The following BTC variants were observed in gnomAD, a reference collection of about 807,000 sequenced individuals.
BTC encodes the protein betacellulin.
BTC carries 13 observed loss-of-function variants against 18.1 expected under a neutral mutation model. That is an observed-to-expected ratio of 0.72 (90% confidence interval 0.47 to 1.14). BTC has a LOEUF of 1.14. Among genes scored for constraint, BTC ranks in the 50% most tolerant of loss-of-function variants. The probability of loss-of-function intolerance (pLI) is 0.00; values close to 1 mark genes in which losing one functional copy is unlikely to be tolerated. For synonymous variants in BTC, 83 were observed against 79.4 expected (o/e 1.05, Z -0.24); for missense variants, 247 against 224.2 (o/e 1.10, Z -0.65).
chr4:74,772,712 T>C (rs1368821302), intron 1 of BTC, among the ~76,000 whole-genome samples: 1 of 151,596 alleles, frequency 6.6e-6, no homozygotes, highest in Non-Finnish European at 1.5e-5. Context: ...CTGAGGATGG[T>C]AGTATCTCCT....
intron 2 of BTC, among the ~76,000 whole-genome samples, chr4:74,765,165 C>T (rs115803100): frequency 0.051 from 7,562 of 148,166 alleles, 318 homozygotes; most frequent in Admixed American, 0.11. Flanking sequence ...AAAAAAAACA[C>T]TAATGAAATG....
intron 1 of BTC, among the ~76,000 whole-genome samples, chr4:74,779,781 AC>A (rs1237193512): frequency 6.6e-6 from 1 of 152,124 alleles, no homozygotes; most frequent in African/African-American, 2.4e-5. Flanking sequence ...AAGCCCCAGA[AC>A]TTAAACCCTT....
chr4:74,787,716 T>A (rs1725517703), intron 1 of BTC, among the ~76,000 whole-genome samples: 1 of 152,190 alleles, frequency 6.6e-6, no homozygotes, highest in Non-Finnish European at 1.5e-5. Context: ...AGATCAGAAT[T>A]TGAGTTCTAG....
intron 1 of BTC, among the ~76,000 whole-genome samples, chr4:74,774,612 T>C (rs1725129809): frequency 6.6e-6 from 1 of 151,310 alleles, no homozygotes; most frequent in Admixed American, 6.6e-5. Context: ...AAGGAACAAC[T>C]TGTAATAAGT....
At chr4:74,762,163 A>AT (rs1724775890) in intron 2 of BTC, among the ~76,000 whole-genome samples, 1 of 152,112 alleles carries the variant, frequency 6.6e-6, no homozygotes, top group Non-Finnish European at 1.5e-5. Context: ...TCTCATTTGC[A>AT]TTTTGCCTTC....
chr4:74,750,517 C>G, intron 4 of BTC, 56 bp downstream of exon 4: 2 of 1,505,940 alleles, frequency 1.3e-6, no homozygotes, highest in Non-Finnish European at 1.8e-6. Flanking sequence ...AGAAGAAAAA[C>G]TATGAGCAAA....
At chr4:74,791,348 AAAAAAG>A (rs137875155) in intron 1 of BTC, among the ~76,000 whole-genome samples, 25,278 of 151,572 alleles carry the variant, frequency 0.17, 3,334 homozygotes, top group African/African-American at 0.37. Context: ...TCAAAAAAAG[AAAAAAG>A]AAAAAGAAAA....
chr4:74,760,759 G>T (rs547640123), intron 2 of BTC, among the ~76,000 whole-genome samples: 1 of 149,692 alleles, frequency 6.7e-6, no homozygotes. Context: ...TTTTGAGGCG[G>T]AGTCTCACTC....
intron 1 of BTC, among the ~76,000 whole-genome samples, chr4:74,790,070 C>CT (rs1725581323): frequency 6.6e-6 from 1 of 152,120 alleles, no homozygotes; most frequent in Non-Finnish European, 1.5e-5. Context: ...CAAAATAAAA[C>CT]TTTTTTGAGG....
Position 74,744,897 on chromosome 4 carries a change from A to C in BTC, c.*1780T>G, listed in dbSNP as rs1724251981. 1 of 152,232 alleles carries C rather than the reference A, an allele frequency of 6.6e-6. No homozygotes were observed. The highest frequency in any genetic ancestry group is 1.5e-5 in the Non-Finnish European group (1 of 68,040). 9.4% of individuals were successfully genotyped at this position (152,232 alleles called of 1,614,324 possible). ...ATCTTTGAAATTCTTTCTTGATATCAGATCTACCAAATTTCGAGAGCCACC... is the reference window on the plus strand; with the variant it reads ...ATCTTTGAAATTCTTTCTTGATATCCGATCTACCAAATTTCGAGAGCCACC... On this transcript the variant is annotated 3_prime_UTR_variant, in exon 6 of 6. Coordinates refer to ENST00000395743, the MANE Select transcript of BTC (RefSeq NM_001729.4).
At chr4:74,789,507 C>T (rs1283995958) in intron 1 of BTC, among the ~76,000 whole-genome samples, 1 of 152,114 alleles carries the variant, frequency 6.6e-6, no homozygotes, top group Admixed American at 6.5e-5. Flanking sequence ...TTCTGTGTCT[C>T]TAAATGATAG....
intron 1 of BTC, among the ~76,000 whole-genome samples, chr4:74,773,654 C>G (rs1333376805): frequency 1.3e-5 from 2 of 151,716 alleles, no homozygotes; most frequent in East Asian, 3.9e-4. Context: ...CTCTGTTGCC[C>G]AGGATAGAGG....
intron 4 of BTC, among the ~76,000 whole-genome samples, chr4:74,748,619 G>A (rs1331440071): frequency 1.3e-5 from 2 of 152,150 alleles, no homozygotes; most frequent in Non-Finnish European, 2.9e-5. Flanking sequence ...AGTGTGGGTA[G>A]AATATAGTTA....
chr4:74,756,087 C>G (rs1250347099), intron 2 of BTC, 111 bp from the exon 3 acceptor site: 3 of 1,026,270 alleles, frequency 2.9e-6, no homozygotes, highest in Non-Finnish European at 4.6e-6. Flanking sequence ...GTTTGAATCT[C>G]TCATTTTTCT....
intron 4 of BTC, among the ~76,000 whole-genome samples, chr4:74,748,395 A>G (rs1473010747): frequency 7.2e-5 from 11 of 152,152 alleles, no homozygotes; most frequent in Admixed American, 2.0e-4. Context: ...AATTGGCCGG[A>G]CGTGGTGGTG....
chr4:74,782,698 C>G (rs1200130655), intron 1 of BTC, among the ~76,000 whole-genome samples: 2 of 152,104 alleles, frequency 1.3e-5, no homozygotes, highest in Non-Finnish European at 2.9e-5. Flanking sequence ...AATGGTTAAA[C>G]CAGTTTACAC....
At chr4:74,788,424 A>G (rs1284467877) in intron 1 of BTC, among the ~76,000 whole-genome samples, 1 of 152,204 alleles carries the variant, frequency 6.6e-6, no homozygotes, top group Non-Finnish European at 1.5e-5. Flanking sequence ...CTGAGATCAT[A>G]TTTAATCTGT....
At chr4:74,758,849 T>C (rs577031350) in intron 2 of BTC, among the ~76,000 whole-genome samples, 2 of 152,256 alleles carry the variant, frequency 1.3e-5, no homozygotes, top group African/African-American at 4.8e-5. Flanking sequence ...TTTAAAACAT[T>C]TCCATGCCAC....
At position 74,750,648 on chromosome 4, in the gene BTC, T is replaced by G. The variant is rs782329883; in HGVS notation, c.353A>C (p.Gln118Pro). ...TGCTATCAAACAAATCACCAGAATC[T>G]GTCCTCTGTCTCCTCTTAGGTAAAA... is the stretch of plus-strand genomic sequence containing the variant. ...DLFYLRGDRG[Q>P]ILVICLIAVM... is the part of the protein sequence containing the mutation. Residue 118 changes from glutamine (Q) to proline (P), a missense_variant, in exon 4 of 6, where the codon CAG (glutamine) becomes CCG (proline). Gln to Pro is a moderately conservative substitution (Grantham distance 76, BLOSUM62 -1). Coordinates refer to ENST00000395743, the MANE Select transcript of BTC (RefSeq NM_001729.4). 2 of 1,613,906 alleles carry G rather than the reference T, an allele frequency of 1.2e-6. No individual in the cohort carries two copies. The highest frequency in any genetic ancestry group is 2.7e-5 in the African/African-American group (2 of 74,928).
Sources: allele counts gnomAD v4.1 joint callset (sites outside exome capture counted in the v4.1 genomes callset), GRCh38; gene constraint gnomAD v4.1.1; transcripts MANE v1.5; gene names NCBI Gene and HGNC (gene_info 2026-07-23, HGNC 2026-07-21).